NDUFAB1: variants seen among roughly 807,000 people sequenced by gnomAD.
NDUFAB1 encodes the protein acyl carrier protein, mitochondrial.
A neutral mutation model predicts 16.1 loss-of-function variants in NDUFAB1; 5 were observed. The ratio of observed to expected loss-of-function variants is 0.31; its 90% CI spans 0.16 to 0.65. NDUFAB1 has a LOEUF of 0.65. Among genes scored for constraint, NDUFAB1 ranks in the 30% least tolerant of loss-of-function variants. The pLI is 0.77. For missense variants in NDUFAB1, 187 were observed against 205.3 expected (o/e 0.91, Z 0.54); for synonymous variants, 85 against 78.4 (o/e 1.08, Z -0.44).
intron 2 of NDUFAB1, 124 bp downstream of exon 2, chr16:23,587,073 C>G: frequency 2.2e-6 from 2 of 929,990 alleles, no homozygotes; most frequent in Admixed American, 4.8e-5. Context: ...GGCTATCTCC[C>G]AGAATGGGCC....
intron 1 of NDUFAB1, among the ~76,000 whole-genome samples, chr16:23,591,953 C>T (rs1005843751): frequency 2.6e-5 from 4 of 152,186 alleles, no homozygotes; most frequent in African/African-American, 7.2e-5. Context: ...ATGAATAAGA[C>T]ACAACCTTCC....
intron 3 of NDUFAB1, among the ~76,000 whole-genome samples, chr16:23,582,993 T>G (rs1966195402): frequency 6.6e-6 from 1 of 152,290 alleles, no homozygotes; most frequent in African/African-American, 2.4e-5. Context: ...GTTTTCGTAT[T>G]TTTTTGGTGG....
rs1267611741 is a variant in NDUFAB1 at position 23,581,138 on chromosome 16, T to C, written c.*44A>G. On this transcript the variant is annotated 3_prime_UTR_variant, in exon 5 of 5. Coordinates refer to ENST00000007516, the MANE Select transcript of NDUFAB1 (RefSeq NM_005003.3). ...GTCCTCACTGCCAGACATTCGTCACTATCATCTGAGTCCTCTCTCAGCAAA... is the reference window on the plus strand; with the variant it reads ...GTCCTCACTGCCAGACATTCGTCACCATCATCTGAGTCCTCTCTCAGCAAA... 6.5e-6 allele frequency: 1 copy of C among 152,704 alleles called. No homozygotes were observed. Among genetic ancestry groups the C allele is most frequent in the Non-Finnish European group, 1.5e-5 (1 of 68,052 alleles). 9.5% of individuals were successfully genotyped at this position (152,704 alleles called of 1,614,324 possible).
chr16:23,595,298 T>C (rs1046508440), intron 1 of NDUFAB1: 5 of 293,848 alleles, frequency 1.7e-5, no homozygotes, highest in African/African-American at 6.7e-5. Context: ...CCGAAATCAC[T>C]GCCTCCCGGC....
chr16:23,584,254 T>TAAAAAAAAAAAAAAAAA (rs774895056), intron 3 of NDUFAB1, among the ~76,000 whole-genome samples: 2 of 12,118 alleles, frequency 1.7e-4, no homozygotes, highest in Non-Finnish European at 2.3e-4. Context: ...GAATGATCAA[T>TAAAAAAAAAAAAAAAAA]TAAAAAAAAA....
chr16:23,593,849 C>CTTATTTATTTAT (rs57003710), intron 1 of NDUFAB1, among the ~76,000 whole-genome samples: 44 of 143,592 alleles, frequency 3.1e-4, no homozygotes, highest in South Asian at 6.9e-4. Flanking sequence ...CTTTTTAACC[C>CTTATTTATTTAT]TTATTTATTT....
chr16:23,582,411 A>G (rs1162539926), intron 3 of NDUFAB1, 36 bp from the exon 4 acceptor site: 1 of 1,391,514 alleles, frequency 7.2e-7, no homozygotes, highest in Non-Finnish European at 9.5e-7. Flanking sequence ...GAGAGAGTTA[A>G]AAAAAAAAAA....
intron 1 of NDUFAB1, among the ~76,000 whole-genome samples, chr16:23,591,311 T>C (rs1297031553): frequency 6.6e-6 from 1 of 152,216 alleles, no homozygotes; most frequent in Non-Finnish European, 1.5e-5. Flanking sequence ...AAGGTACTGT[T>C]TGCAGGTAAA....
intron 1 of NDUFAB1, among the ~76,000 whole-genome samples, chr16:23,588,535 G>A (rs1250229643): frequency 3.9e-5 from 6 of 152,200 alleles, no homozygotes; most frequent in African/African-American, 2.4e-5. Flanking sequence ...GAGGCTTGGC[G>A]TTCTTCAGGC....
At chr16:23,584,404 T>C (rs986864299) in intron 3 of NDUFAB1, among the ~76,000 whole-genome samples, 1 of 151,792 alleles carries the variant, frequency 6.6e-6, no homozygotes, top group African/African-American at 2.4e-5. Flanking sequence ...TCATCTTCTG[T>C]GTCTGGCTTC....
intron 1 of NDUFAB1, among the ~76,000 whole-genome samples, chr16:23,595,208 G>C (rs907629654): frequency 1.9e-4 from 29 of 152,148 alleles, no homozygotes; most frequent in Non-Finnish European, 3.4e-4. Context: ...GCCGGAGGTT[G>C]CAGTGAGCTG....
intron 2 of NDUFAB1, among the ~76,000 whole-genome samples, chr16:23,585,925 T>C (rs1247511972): frequency 6.6e-6 from 1 of 152,220 alleles, no homozygotes; most frequent in Non-Finnish European, 1.5e-5. Context: ...TTCACTCTAA[T>C]GTTGTCTGTT....
intron 1 of NDUFAB1, among the ~76,000 whole-genome samples, chr16:23,593,955 A>AG (rs761339464): frequency 6.6e-6 from 1 of 151,180 alleles, no homozygotes; most frequent in Non-Finnish European, 1.5e-5. Context: ...ATCTCGGCTC[A>AG]CTGAAAGCTC....
At chr16:23,587,582 A>T (rs1272533752) in intron 1 of NDUFAB1, among the ~76,000 whole-genome samples, 2 of 152,192 alleles carry the variant, frequency 1.3e-5, no homozygotes, top group Non-Finnish European at 2.9e-5. Flanking sequence ...CAGGCTCTGG[A>T]CATTCATACT....
rs775660669 is a variant in NDUFAB1 at position 23,582,419 on chromosome 16, A to C, written c.380-44T>G. The C allele has an allele frequency of 1.0e-4, 152 of 1,502,684 alleles. No homozygotes were observed. The East Asian group carries it at 2.7e-3, about 27-fold the overall frequency. 93.1% of individuals were successfully genotyped at this position (1,502,684 alleles called of 1,614,324 possible). On this transcript the variant is annotated intron_variant, in intron 3 of 4. Coordinates refer to ENST00000007516, the MANE Select transcript of NDUFAB1 (RefSeq NM_005003.3). ...ACAATGTGAGAGAGTTAAAAAAAAA[A>C]AATCCTTTAGAACTGAACACACCTG...
intron 2 of NDUFAB1, among the ~76,000 whole-genome samples, chr16:23,586,518 A>G (rs530762017): frequency 2.1e-4 from 32 of 151,320 alleles, no homozygotes; most frequent in African/African-American, 7.0e-4. Flanking sequence ...TATTTTTAGT[A>G]GAGATGGGGT....
At chr16:23,592,952 G>A (rs939042180) in intron 1 of NDUFAB1, among the ~76,000 whole-genome samples, 1 of 152,192 alleles carries the variant, frequency 6.6e-6, no homozygotes, top group Non-Finnish European at 1.5e-5. Context: ...CAGGAGTGAA[G>A]AGTCCAGGGA....
intron 1 of NDUFAB1, among the ~76,000 whole-genome samples, chr16:23,594,487 G>A (rs1367372830): frequency 6.6e-6 from 1 of 151,804 alleles, no homozygotes; most frequent in Non-Finnish European, 1.5e-5. Flanking sequence ...TGAGTAGCTG[G>A]GACTACAGGC....
At chr16:23,585,135 G>C (rs376375005) in intron 3 of NDUFAB1, among the ~76,000 whole-genome samples, 2 of 152,198 alleles carry the variant, frequency 1.3e-5, no homozygotes, top group Admixed American at 1.3e-4. Flanking sequence ...CTTGTGCAAG[G>C]TGCTCTCTGA....
Sources: allele counts gnomAD v4.1 joint callset (sites outside exome capture counted in the v4.1 genomes callset), GRCh38; gene constraint gnomAD v4.1.1; transcripts MANE v1.5; gene names NCBI Gene and HGNC (gene_info 2026-07-23, HGNC 2026-07-21).